TRMT11: variants seen among roughly 807,000 people sequenced by gnomAD.
TRMT11 encodes the protein tRNA (guanine(10)-N(2))-methyltransferase TRMT11.
A neutral mutation model predicts 62.8 loss-of-function variants in TRMT11; 53 were observed. That is an observed-to-expected ratio of 0.84 (90% confidence interval 0.68 to 1.06). The LOEUF is 1.06. Among genes scored for constraint, TRMT11 ranks in the 50% least tolerant of loss-of-function variants. The pLI is 0.00. For missense variants in TRMT11, 556 were observed against 553.4 expected, an observed-to-expected ratio of 1.00 and a Z score of -0.05; for synonymous variants, 188 against 190.3, an observed-to-expected ratio of 0.99 and a Z score of 0.10.
intron 17 of TRMT11, among the ~76,000 whole-genome samples, chr6:126,082,888 G>C (rs1053785203): frequency 9.9e-5 from 15 of 151,928 alleles, no homozygotes; most frequent in Non-Finnish European, 1.5e-5. Context: ...TTAAAGTAGT[G>C]GTTAACAAGG....
intron 21 of TRMT11, among the ~76,000 whole-genome samples, chr6:126,169,653 T>G (rs537975897): frequency 6.6e-6 from 1 of 152,258 alleles, no homozygotes; most frequent in East Asian, 1.9e-4. Flanking sequence ...TCCCATAATA[T>G]TTTACATAGG....
At chr6:126,091,568 CTT>C (rs1178823488) in intron 17 of TRMT11, among the ~76,000 whole-genome samples, 2 of 152,110 alleles carry the variant, frequency 1.3e-5, no homozygotes, top group Non-Finnish European at 2.9e-5. Context: ...TCTTTGCTCT[CTT>C]AAACTCAGTT....
At chr6:126,141,611 A>T (rs1264594241) in intron 21 of TRMT11, among the ~76,000 whole-genome samples, 1 of 152,152 alleles carries the variant, frequency 6.6e-6, no homozygotes, top group African/African-American at 2.4e-5. Flanking sequence ...AAGAACCTGA[A>T]CTATATATTC....
Position 126,013,068 on chromosome 6 carries a change from G to C in TRMT11, c.1106G>C (p.Arg369Thr). Residue 369 changes from arginine (R) to threonine (T), a missense_variant, in exon 11 of 13, where the codon AGA (arginine) becomes ACA (threonine). Coordinates refer to ENST00000334379, the MANE Select transcript of TRMT11 (RefSeq NM_001031712.3). ...FAAETLVLGG[R>T]LVYWLPVYTP... is the part of the protein sequence containing the mutation. The stretch of plus-strand genomic sequence containing the variant: ...GCTGAGACCCTCGTTTTAGGTGGAA[G>C]ACTAGTCTATTGGTTACCGGTGTAT... 3.7e-6 allele frequency: 6 copies of C among 1,613,760 alleles called. No homozygotes were observed. Among genetic ancestry groups the C allele is most frequent in the Non-Finnish European group, 5.1e-6 (6 of 1,179,906 alleles).
chr6:126,243,026 A>C, the TRMT11 span, among the ~76,000 whole-genome samples: 1 of 152,202 alleles, frequency 6.6e-6, no homozygotes, highest in Non-Finnish European at 1.5e-5. Flanking sequence ...AATTTTTGCT[A>C]TCTACTCATC....
the TRMT11 span, among the ~76,000 whole-genome samples, chr6:126,251,657 A>G: frequency 6.6e-6 from 1 of 152,094 alleles, no homozygotes; most frequent in Non-Finnish European, 1.5e-5. Context: ...GGTAACCTCC[A>G]TTCTCCTCTG....
At chr6:126,195,678 G>A (rs1392957531) in intron 1 of TRMT11, among the ~76,000 whole-genome samples, 1 of 152,170 alleles carries the variant, frequency 6.6e-6, no homozygotes, top group Non-Finnish European at 1.5e-5. Context: ...TTTGGAGGGA[G>A]AGGCTGACCC....
At chr6:126,041,635 A>C (rs1775882507), downstream of TRMT11, among the ~76,000 whole-genome samples, 1 of 152,170 alleles carries the variant, frequency 6.6e-6, no homozygotes, top group African/African-American at 2.4e-5. Flanking sequence ...CCCTTGAAAA[A>C]GCACAGTGGA....
intron 17 of TRMT11, among the ~76,000 whole-genome samples, chr6:126,063,209 C>G (rs1005392347): frequency 6.6e-6 from 1 of 151,844 alleles, no homozygotes; most frequent in Non-Finnish European, 1.5e-5. Flanking sequence ...TTATGATTAT[C>G]AAATACATTT....
At chr6:126,266,767 A>AT in the TRMT11 span, among the ~76,000 whole-genome samples, 9 of 152,148 alleles carry the variant, frequency 5.9e-5, no homozygotes, top group East Asian at 1.7e-3. Context: ...GGATTTCAAC[A>AT]TTTTTTCCTG....
intron 17 of TRMT11, among the ~76,000 whole-genome samples, chr6:126,093,629 A>ATATATATATC (rs1554236840): frequency 1.1e-5 from 1 of 94,040 alleles, no homozygotes; most frequent in Non-Finnish European, 2.0e-5. Flanking sequence ...ATATATATAT[A>ATATATATATC]TATTTTCCCC....
chr6:126,058,373 G>A (rs1328300261), intron 17 of TRMT11, among the ~76,000 whole-genome samples: 1 of 152,120 alleles, frequency 6.6e-6, no homozygotes, highest in Non-Finnish European at 1.5e-5. Context: ...CATTTGGGTT[G>A]GTTCCAAGCC....
chr6:126,006,548 A>G (rs1471277272), intron 7 of TRMT11, among the ~76,000 whole-genome samples: 9 of 151,948 alleles, frequency 5.9e-5, no homozygotes, highest in Non-Finnish European at 8.8e-5. Context: ...TTGGTAACGC[A>G]AAAAGAAATG....
chr6:126,266,379 C>A, the TRMT11 span, among the ~76,000 whole-genome samples: 35 of 152,158 alleles, frequency 2.3e-4, no homozygotes, highest in African/African-American at 8.2e-4. Flanking sequence ...GGTAACCACT[C>A]GTGTGTGCTA....
At chr6:126,063,403 C>A (rs1776594905) in intron 17 of TRMT11, among the ~76,000 whole-genome samples, 1 of 152,148 alleles carries the variant, frequency 6.6e-6, no homozygotes, top group African/African-American at 2.4e-5. Context: ...AAAAGTCTTA[C>A]TAGCTTTTAT....
At chr6:126,260,793 T>A in the TRMT11 span, among the ~76,000 whole-genome samples, 6 of 152,214 alleles carry the variant, frequency 3.9e-5, no homozygotes, top group Admixed American at 3.9e-4. Flanking sequence ...AATCTGCTAA[T>A]AGTCTCACGG....
At chr6:126,246,157 T>C in the TRMT11 span, among the ~76,000 whole-genome samples, 2 of 151,990 alleles carry the variant, frequency 1.3e-5, no homozygotes. Context: ...ACACCTGTAG[T>C]CCCAGCTTGA....
At chr6:126,018,979 T>C (rs530630420) in intron 11 of TRMT11, among the ~76,000 whole-genome samples, 27 of 152,186 alleles carry the variant, frequency 1.8e-4, no homozygotes, top group African/African-American at 5.8e-4. Context: ...CTCCCAGGTT[T>C]GAGCGATTCT....
intron 6 of TRMT11, 75 bp from the exon 7 acceptor site, chr6:125,999,382 A>T (rs555121619): frequency 8.6e-7 from 1 of 1,159,708 alleles, no homozygotes; most frequent in South Asian, 2.3e-5. Context: ...GCAAAATACA[A>T]TGGTCTTATT....
Sources: allele counts gnomAD v4.1 joint callset (sites outside exome capture counted in the v4.1 genomes callset), GRCh38; gene constraint gnomAD v4.1.1; transcripts MANE v1.5; gene names NCBI Gene and HGNC (gene_info 2026-07-23, HGNC 2026-07-21).